The following DENND2B variants were observed in gnomAD, a reference collection of about 807,000 sequenced individuals.
DENND2B encodes DENN domain-containing protein 2B.
Under a neutral mutation model 116.0 loss-of-function variants are expected in DENND2B, and 32 were observed. The observed-to-expected ratio is 0.28, with a 90% CI of 0.21 to 0.37. DENND2B has a LOEUF of 0.37. DENND2B is among the 10% of genes least tolerant of loss of function. DENND2B has a pLI of 1.00. For missense variants in DENND2B, 1,276 were observed against 1,477.7 expected (o/e 0.86, Z 2.24); for synonymous variants, 588 against 583.9 (o/e 1.01, Z -0.10).
rs775326812 is a variant in DENND2B at position 8,744,459 on chromosome 11, G to A, written c.80+6162C>T. 7.5e-4 allele frequency among the ~76,000 whole-genome samples: 114 copies of A among 152,214 alleles called. 1 individual carries two copies. The highest frequency in any genetic ancestry group is 9.8e-4 in the Admixed American group (15 of 15,290). On this transcript the variant is annotated intron_variant, in intron 2 of 19. Coordinates refer to ENST00000313726, the MANE Select transcript of DENND2B (RefSeq NM_213618.2). ...AACCCATGAAGTTTTTAAAGGAAATGTATCAGCTTGGAGTAAAAAGAGCAG... is the reference window on the plus strand; with the variant it reads ...AACCCATGAAGTTTTTAAAGGAAATATATCAGCTTGGAGTAAAAAGAGCAG...
intron 2 of DENND2B, among the ~76,000 whole-genome samples, chr11:8,734,580 G>A (rs964145267): frequency 2.0e-5 from 3 of 152,076 alleles, no homozygotes; most frequent in Non-Finnish European, 4.4e-5. Context: ...CTGAGGTCAG[G>A]AGTTCAAGAC....
At chr11:8,765,252 T>C (rs1252256254) in intron 1 of DENND2B, among the ~76,000 whole-genome samples, 1 of 152,230 alleles carries the variant, frequency 6.6e-6, no homozygotes, top group Non-Finnish European at 1.5e-5. Context: ...GCCATGATGA[T>C]GACCGAACTT....
intron 2 of DENND2B, among the ~76,000 whole-genome samples, chr11:8,734,514 G>A (rs2048640236): frequency 6.6e-6 from 1 of 152,126 alleles, no homozygotes; most frequent in Non-Finnish European, 1.5e-5. Flanking sequence ...TCGGCCAGGT[G>A]CAGTGGCTCA....
At chr11:8,781,333 A>T (rs2058350488) in intron 1 of DENND2B, among the ~76,000 whole-genome samples, 1 of 152,078 alleles carries the variant, frequency 6.6e-6, no homozygotes, top group Non-Finnish European at 1.5e-5. Flanking sequence ...CAACGTGGGG[A>T]GTTCAGAGCG....
intron 4 of DENND2B, among the ~76,000 whole-genome samples, chr11:8,822,711 C>G (rs2061812752): frequency 6.6e-6 from 1 of 152,236 alleles, no homozygotes; most frequent in Admixed American, 6.5e-5. Flanking sequence ...ATTCCATTCA[C>G]ACTCAGGACT....
chr11:8,794,353 C>T (rs537008854), intron 1 of DENND2B, among the ~76,000 whole-genome samples: 96 of 152,326 alleles, frequency 6.3e-4, no homozygotes, highest in African/African-American at 2.2e-3. Flanking sequence ...TCCCAGTGAG[C>T]ATCCGCAAAA....
intron 2 of DENND2B, among the ~76,000 whole-genome samples, chr11:8,862,192 A>C (rs1233220188): frequency 6.6e-6 from 1 of 152,128 alleles, no homozygotes; most frequent in Non-Finnish European, 1.5e-5. Context: ...TAAAAAATAC[A>C]TATTTTTAAA....
At chr11:8,759,378 A>G (rs900535734) in intron 1 of DENND2B, among the ~76,000 whole-genome samples, 4 of 152,220 alleles carry the variant, frequency 2.6e-5, no homozygotes, top group Non-Finnish European at 5.9e-5. Flanking sequence ...AAAGCCTCCC[A>G]TTCTGCTGAG....
intron 3 of DENND2B, among the ~76,000 whole-genome samples, chr11:8,847,804 A>G (rs1398523193): frequency 2.0e-5 from 3 of 152,238 alleles, no homozygotes; most frequent in Admixed American, 2.0e-4. Flanking sequence ...AATCAGAAAA[A>G]GATATAAAAT....
chr11:8,783,996 T>G (rs1306759051), intron 1 of DENND2B: 1 of 152,104 alleles, frequency 6.6e-6, no homozygotes, highest in African/African-American at 2.4e-5. Flanking sequence ...ATACAAAATT[T>G]TAATACGTTT....
At chr11:8,806,572 C>G (rs1366040826) in intron 1 of DENND2B, among the ~76,000 whole-genome samples, 1 of 129,012 alleles carries the variant, frequency 7.8e-6, no homozygotes, top group African/African-American at 2.7e-5. Context: ...ATAAGGTAAT[C>G]TAGACTCATT....
At chr11:8,789,775 C>CA (rs138928549) in intron 1 of DENND2B, among the ~76,000 whole-genome samples, 55,885 of 151,396 alleles carry the variant, frequency 0.37, 11,582 homozygotes, top group Non-Finnish European at 0.45. Flanking sequence ...CCCATCTCTA[C>CA]AAAAAATAAA....
chr11:8,768,430 T>G (rs564789791), intron 1 of DENND2B, among the ~76,000 whole-genome samples: 96 of 152,164 alleles, frequency 6.3e-4, no homozygotes, highest in African/African-American at 2.2e-3. Flanking sequence ...AAATTTTTTG[T>G]AGAGATACGG....
intron 15 of DENND2B, 77 bp downstream of exon 15, chr11:8,699,136 C>G (rs989761757): frequency 6.6e-7 from 1 of 1,513,426 alleles, no homozygotes; most frequent in Non-Finnish European, 8.8e-7. Flanking sequence ...GTAAAGAGGC[C>G]GAGGGGCCAC....
intron 19 of DENND2B, among the ~76,000 whole-genome samples, chr11:8,695,059 C>A (rs1338328429): frequency 6.6e-6 from 1 of 151,794 alleles, no homozygotes; most frequent in Admixed American, 6.6e-5. Flanking sequence ...CAGACCTTGC[C>A]TCTAAAATAA....
chr11:8,839,398 C>G (rs1282854219), intron 3 of DENND2B: 1 of 152,258 alleles, frequency 6.6e-6, no homozygotes, highest in Non-Finnish European at 1.5e-5. Context: ...AATTCACTTA[C>G]ACTTTCCAAT....
intron 1 of DENND2B, chr11:8,776,158 G>GCACACACACACACACA (rs756959704): frequency 0.019 from 6,428 of 334,350 alleles, 76 homozygotes; most frequent in Non-Finnish European, 0.024. Context: ...ACGCGCGCGC[G>GCACACACACACACACA]CGCACACACA....
At chr11:8,792,767 A>G (rs928611641) in intron 1 of DENND2B, among the ~76,000 whole-genome samples, 2 of 152,264 alleles carry the variant, frequency 1.3e-5, no homozygotes, top group African/African-American at 2.4e-5. Context: ...AAAAAAATGT[A>G]TAACACCTGT....
At chr11:8,845,416 A>C (rs1291342531) in intron 3 of DENND2B, 3 of 152,236 alleles carry the variant, frequency 2.0e-5, no homozygotes, top group African/African-American at 7.2e-5. Context: ...TCATGTCATG[A>C]CCTATAATCA....
Sources: allele counts gnomAD v4.1 joint callset (sites outside exome capture counted in the v4.1 genomes callset), GRCh38; gene constraint gnomAD v4.1.1; transcripts MANE v1.5; gene names NCBI Gene and HGNC (gene_info 2026-07-23, HGNC 2026-07-21).